Variants in ADAMTS19 observed in about 807,000 individuals in gnomAD.
ADAMTS19 encodes A disintegrin and metalloproteinase with thrombospondin motifs 19.
In ADAMTS19, 93 loss-of-function variants were observed where a neutral mutation model predicts 153.3. The ratio of observed to expected loss-of-function variants is 0.61; its 90% confidence interval spans 0.51 to 0.72. ADAMTS19 has a LOEUF of 0.72. Among genes scored for constraint, ADAMTS19 ranks in the 30% least tolerant of loss-of-function variants. The pLI is 0.00. For missense variants in ADAMTS19, 1,482 were observed against 1,552.1 expected (o/e 0.95, Z 0.76); for synonymous variants, 600 against 556.6 (o/e 1.08, Z -1.10).
intron 10 of ADAMTS19, among the ~76,000 whole-genome samples, chr5:129,627,603 A>G (rs1285900465): frequency 6.6e-6 from 1 of 151,334 alleles, no homozygotes; most frequent in African/African-American, 2.4e-5. Flanking sequence ...AACAAATTTA[A>G]AAGGAAAAAC....
intron 16 of ADAMTS19, among the ~76,000 whole-genome samples, chr5:129,667,305 C>A (rs1026574467): frequency 6.6e-6 from 1 of 152,080 alleles, no homozygotes; most frequent in Non-Finnish European, 1.5e-5. Context: ...TATATTCTGT[C>A]CCCAGGGAAT....
At chr5:129,665,650 G>T in intron 16 of ADAMTS19, 71 bp downstream of exon 16, 1 of 1,178,702 alleles carries the variant, frequency 8.5e-7, no homozygotes, top group Non-Finnish European at 1.2e-6. Context: ...GTTCTATGAT[G>T]AGGAGGAAGT....
chr5:129,506,062 G>A (rs1751259742), intron 2 of ADAMTS19, among the ~76,000 whole-genome samples: 1 of 152,130 alleles, frequency 6.6e-6, no homozygotes. Context: ...AGGTTAATAT[G>A]GGTTCATGTT....
intron 2 of ADAMTS19, among the ~76,000 whole-genome samples, chr5:129,463,360 G>GT (rs1211071673): frequency 1.3e-5 from 2 of 152,122 alleles, no homozygotes; most frequent in East Asian, 3.9e-4. Context: ...AAACCTGCAG[G>GT]TTGTGCACGT....
chr5:129,725,419 C>T (rs939756835), intron 21 of ADAMTS19, among the ~76,000 whole-genome samples: 1 of 152,034 alleles, frequency 6.6e-6, no homozygotes, highest in Non-Finnish European at 1.5e-5. Context: ...GAGTTGCATG[C>T]ATGCTCACTT....
chr5:129,590,311 A>C (rs1368946112), intron 7 of ADAMTS19, among the ~76,000 whole-genome samples: 3 of 152,102 alleles, frequency 2.0e-5, no homozygotes, highest in East Asian at 3.9e-4. Context: ...TTTCTTCTTC[A>C]ACCTCAGCTA....
intron 6 of ADAMTS19, among the ~76,000 whole-genome samples, chr5:129,533,939 G>C (rs1752309919): frequency 6.6e-6 from 1 of 152,084 alleles, no homozygotes; most frequent in African/African-American, 2.4e-5. Context: ...GTTCTAGTTT[G>C]ATTGCACTGT....
intron 7 of ADAMTS19, among the ~76,000 whole-genome samples, chr5:129,562,012 G>A (rs879914839): frequency 3.3e-5 from 5 of 152,176 alleles, no homozygotes; most frequent in African/African-American, 7.2e-5. Flanking sequence ...AAGAAAAATA[G>A]TCATAATACC....
intron 7 of ADAMTS19, among the ~76,000 whole-genome samples, chr5:129,588,306 G>C (rs1337138685): frequency 6.6e-6 from 1 of 152,130 alleles, no homozygotes; most frequent in Non-Finnish European, 1.5e-5. Flanking sequence ...AATGCAGTCA[G>C]AGAATATTAC....
In ADAMTS19 at chr5:129,517,133, T is replaced by A. The variant is rs192767847; in HGVS notation, c.913+7891T>A. On this transcript the variant is annotated intron_variant, in intron 3 of 22. Coordinates refer to ENST00000274487, the MANE Select transcript of ADAMTS19 (RefSeq NM_133638.6). ...AATTTCTAGTTTTATTCCATTTTGG[T>A]TAGAGAAGATGCCTGATATTATATT... is the stretch of plus-strand genomic sequence containing the variant. Among the ~76,000 whole-genome samples, 467 of 152,036 alleles carry A rather than the reference T, an allele frequency of 3.1e-3. 13 individuals carry two copies. The highest frequency in any genetic ancestry group is 0.01 in the Middle Eastern group (3 of 294).
intron 2 of ADAMTS19, among the ~76,000 whole-genome samples, chr5:129,485,442 A>G (rs1368268694): frequency 6.6e-6 from 1 of 152,100 alleles, no homozygotes; most frequent in Non-Finnish European, 1.5e-5. Flanking sequence ...TAAACCTGAA[A>G]TATAAAGAAT....
At chr5:129,652,993 A>C (rs1753382547) in intron 13 of ADAMTS19, among the ~76,000 whole-genome samples, 1 of 152,212 alleles carries the variant, frequency 6.6e-6, no homozygotes, top group South Asian at 2.1e-4. Context: ...AAAACCATGC[A>C]CATTAAAGGC....
chr5:129,580,878 A>G (rs918454981), intron 7 of ADAMTS19, among the ~76,000 whole-genome samples: 2 of 152,150 alleles, frequency 1.3e-5, no homozygotes, highest in Non-Finnish European at 1.5e-5. Context: ...CGTCAGGGAT[A>G]TTGGCCTGAA....
chr5:129,710,591 C>T (rs188745012), intron 21 of ADAMTS19, among the ~76,000 whole-genome samples: 36 of 152,282 alleles, frequency 2.4e-4, no homozygotes, highest in Admixed American at 5.2e-4. Flanking sequence ...TTCAAGAAAA[C>T]AACAGATGCT....
intron 3 of ADAMTS19, among the ~76,000 whole-genome samples, chr5:129,512,171 G>A (rs1751458212): frequency 6.6e-6 from 1 of 152,030 alleles, no homozygotes; most frequent in Non-Finnish European, 1.5e-5. Flanking sequence ...GACTCAGTAG[G>A]AAAAGAGAAG....
Position 129,461,358 on chromosome 5 carries a change from G to C in ADAMTS19, c.348G>C (p.Glu116Asp). ...GGCTCCGGCCCCCGCCGCCGTCGGA[G>C]GGTGAGGAGGACGAGGAGCTCGAGT... Reference protein sequence around the residue: ...ESRLRPPPPSEGEEDEELESQ... With the variant: ...ESRLRPPPPSDGEEDEELESQ... Residue 116 changes from glutamate (E) to aspartate (D), a missense_variant, in exon 2 of 23, where the codon GAG becomes GAC. Physicochemically the swap from Glu to Asp is conservative, Grantham distance 45. Transcript: ENST00000274487. The surrounding 1 kb of genome is among the most constrained non-coding windows in gnomAD (Gnocchi z 4.6). The C allele has an allele frequency of 7.5e-7, 1 of 1,339,630 alleles. No homozygotes were observed. 83.0% of individuals were successfully genotyped at this position (1,339,630 alleles called of 1,614,324 possible).
At chr5:129,614,229 C>CA (rs948947698) in intron 8 of ADAMTS19, among the ~76,000 whole-genome samples, 1 of 151,772 alleles carries the variant, frequency 6.6e-6, no homozygotes, top group African/African-American at 2.4e-5. Flanking sequence ...CAGAGACACA[C>CA]AAAAAAAGAG....
intron 2 of ADAMTS19, among the ~76,000 whole-genome samples, chr5:129,503,853 G>T (rs1289482810): frequency 6.6e-6 from 1 of 152,096 alleles, no homozygotes; most frequent in East Asian, 1.9e-4. Context: ...TTACATAGAA[G>T]TTCAGATCAT....
At chr5:129,585,058 G>T (rs1319692923) in intron 7 of ADAMTS19, among the ~76,000 whole-genome samples, 1 of 152,162 alleles carries the variant, frequency 6.6e-6, no homozygotes, top group Non-Finnish European at 1.5e-5. Flanking sequence ...TGCTCTGCGG[G>T]TTGCAAAGAC....
Sources: allele counts gnomAD v4.1 joint callset (sites outside exome capture counted in the v4.1 genomes callset), GRCh38; gene constraint gnomAD v4.1.1; non-coding constraint Gnocchi (gnomAD v3.1); transcripts MANE v1.5; gene names NCBI Gene and HGNC (gene_info 2026-07-23, HGNC 2026-07-21).